Variants in ADAM12 observed in about 807,000 individuals in gnomAD.
ADAM12 encodes the protein disintegrin and metalloproteinase domain-containing protein 12.
Under a neutral mutation model 106.4 loss-of-function variants are expected in ADAM12, and 70 were observed. The observed-to-expected ratio is 0.66, with a 90% confidence interval of 0.54 to 0.80. ADAM12 has a LOEUF of 0.80. ADAM12 is among the 30% of genes least tolerant of loss of function. The probability of loss-of-function intolerance (pLI) is 0.00; values close to 1 mark genes in which losing one functional copy is unlikely to be tolerated. For missense variants in ADAM12, 1,010 were observed against 1,171.9 expected (o/e 0.86, Z 2.02); for synonymous variants, 420 against 433.5 (o/e 0.97, Z 0.39).
intron 18 of ADAM12, chr10:126,041,750 G>A: frequency 3.8e-6 from 4 of 1,048,732 alleles, no homozygotes; most frequent in African/African-American, 1.7e-5. Flanking sequence ...TGGGGAAAGG[G>A]GACACTGGGC....
chr10:126,063,456 C>T (rs926029158), intron 14 of ADAM12, among the ~76,000 whole-genome samples: 2 of 152,188 alleles, frequency 1.3e-5, no homozygotes, highest in East Asian at 1.9e-4. Flanking sequence ...AATTTCTGTT[C>T]CACTTTATTT....
At chr10:126,362,746 T>C (rs572327366) in intron 1 of ADAM12, among the ~76,000 whole-genome samples, 1 of 152,264 alleles carries the variant, frequency 6.6e-6, no homozygotes, top group African/African-American at 2.4e-5. Context: ...ATCGAGCTCA[T>C]ACAAAGAGTA....
intron 2 of ADAM12, among the ~76,000 whole-genome samples, chr10:126,296,082 G>C (rs532209146): frequency 1.3e-5 from 2 of 152,166 alleles, no homozygotes; most frequent in Non-Finnish European, 2.9e-5. Context: ...ATCCCCGTGC[G>C]TGGGGACCAT....
At chr10:126,180,996 A>T (rs1315531551) in intron 3 of ADAM12, among the ~76,000 whole-genome samples, 1 of 152,216 alleles carries the variant, frequency 6.6e-6, no homozygotes, top group Non-Finnish European at 1.5e-5. Context: ...TTCATGGACA[A>T]TGTTATACTA....
intron 3 of ADAM12, among the ~76,000 whole-genome samples, chr10:126,243,489 A>ATGTGTG (rs57227903): frequency 0.032 from 4,740 of 146,876 alleles, 237 homozygotes; most frequent in African/African-American, 0.094. Context: ...GTGTGAGTGT[A>ATGTGTG]TGTGTGTGTG....
intron 1 of ADAM12, among the ~76,000 whole-genome samples, chr10:126,339,542 A>G (rs1003386688): frequency 4.6e-5 from 7 of 152,182 alleles, no homozygotes; most frequent in Admixed American, 1.3e-4. Context: ...GAATACTTCT[A>G]GATAGCCTCA....
At position 126,049,341 on chromosome 10, in the gene ADAM12, A is replaced by G. The variant is rs1445862775; in HGVS notation, c.1829T>C (p.Ile610Thr). ...GTACACGTGGGTCCCCCGGCACAGA[A>G]TCCGGCCTCCTTGCTGCAGGGGGAT... ...TNIPLQQGGR[I>T]LCRGTHVYLG... The change falls in exon 16 of 23, where the codon ATT (isoleucine) becomes ACT (threonine). Residue 610 changes from isoleucine to threonine, a missense_variant. Coordinates refer to ENST00000448723, the MANE Select transcript of ADAM12 (RefSeq NM_001288973.2). This position sits in a 1 kb window ranked among gnomAD's most constrained non-coding sequence, Gnocchi z 4.4. 7.4e-6 allele frequency: 12 copies of G among 1,614,104 alleles called. No individual in the cohort carries two copies. The highest frequency in any genetic ancestry group is 9.3e-6 in the Non-Finnish European group (11 of 1,180,042).
At chr10:126,039,958 ACT>A (rs1372844294) in intron 18 of ADAM12, among the ~76,000 whole-genome samples, 1 of 152,128 alleles carries the variant, frequency 6.6e-6, no homozygotes, top group Non-Finnish European at 1.5e-5. Flanking sequence ...GAGAAAGAAA[ACT>A]CATTTAAATG....
chr10:126,146,686 T>C (rs528203664), intron 4 of ADAM12, among the ~76,000 whole-genome samples: 1 of 152,328 alleles, frequency 6.6e-6, no homozygotes, highest in Admixed American at 6.5e-5. Flanking sequence ...CTTTGTCTCC[T>C]TGCAGTCAGC....
intron 3 of ADAM12, among the ~76,000 whole-genome samples, chr10:126,176,500 T>C (rs891162350): frequency 2.6e-5 from 4 of 152,210 alleles, no homozygotes; most frequent in African/African-American, 9.6e-5. Context: ...AAACCAGAAA[T>C]GGCAAGACAT....
At chr10:126,164,906 A>G (rs1261794413) in intron 3 of ADAM12, among the ~76,000 whole-genome samples, 1 of 152,206 alleles carries the variant, frequency 6.6e-6, no homozygotes, top group Admixed American at 6.5e-5. Flanking sequence ...AAAAATGAAA[A>G]AGAAGTATCG....
chr10:126,144,618 G>C (rs11244835), intron 4 of ADAM12, among the ~76,000 whole-genome samples: 3 of 151,978 alleles, frequency 2.0e-5, no homozygotes, highest in Admixed American at 2.0e-4. Context: ...AATGCACACG[G>C]GGGGGTTAGC....
intron 1 of ADAM12, among the ~76,000 whole-genome samples, chr10:126,378,748 G>C (rs913868255): frequency 1.3e-5 from 2 of 152,102 alleles, no homozygotes; most frequent in Admixed American, 1.3e-4. Flanking sequence ...GTAGAATCTG[G>C]CTGGCAAAAA....
Position 126,094,143 on chromosome 10 carries a change from A to G in ADAM12, c.997-10T>C. 1.2e-6 allele frequency: 2 copies of G among 1,613,258 alleles called. No homozygotes were observed. Among genetic ancestry groups the G allele is most frequent in the Non-Finnish European group, 8.5e-7 (1 of 1,179,484 alleles). ...GATTGTCTGAATGGTCCTCAAAGAA[A>G]ACACAAAAGTACAGGTGTATAATTC... is the stretch of plus-strand genomic sequence containing the variant. On this transcript the variant is annotated splice_polypyrimidine_tract_variant and intron_variant, in intron 10 of 22. Coordinates refer to ENST00000448723, the MANE Select transcript of ADAM12 (RefSeq NM_001288973.2).
At chr10:126,323,662 A>G (rs1044358558) in intron 2 of ADAM12, among the ~76,000 whole-genome samples, 2 of 152,192 alleles carry the variant, frequency 1.3e-5, no homozygotes, top group Non-Finnish European at 2.9e-5. Context: ...GGGAGGGCAC[A>G]GGCTGGTTGG....
intron 3 of ADAM12, among the ~76,000 whole-genome samples, chr10:126,219,629 T>A (rs1958053115): frequency 6.6e-6 from 1 of 152,254 alleles, no homozygotes; most frequent in Non-Finnish European, 1.5e-5. Flanking sequence ...TAATAGTTTA[T>A]AATTGACATA....
chr10:126,170,106 G>A lies in ADAM12; in HGVS notation c.261-14801C>T, dbSNP rs138744216. 6.5e-3 allele frequency among the ~76,000 whole-genome samples: 987 copies of A among 152,314 alleles called. 8 individuals carry two copies. Among genetic ancestry groups the A allele is most frequent in the African/African-American group, 0.022 (926 of 41,580 alleles). ...AGAAGGGGATTTTCTTGGCCGTGGC[G>A]GAAGCCAGCCAGCCAGCCAGCTCCC... On this transcript the variant is annotated intron_variant, in intron 3 of 22. Coordinates refer to ENST00000448723, the MANE Select transcript of ADAM12 (RefSeq NM_001288973.2).
In ADAM12 at chr10:126,015,651, T is replaced by C. The variant is rs1953649287; in HGVS notation, c.*1628A>G. 3 of 152,140 alleles carry C rather than the reference T, an allele frequency of 2.0e-5. No individual in the cohort carries two copies. The highest frequency in any genetic ancestry group is 2.0e-4 in the Admixed American group (3 of 15,276). The allele number at this position is 152,140 out of a possible 1,614,324, so 9.4% of individuals were successfully genotyped here. A position where few individuals can be genotyped will look rare whatever the true frequency, so the allele number is the denominator to read the frequency against. On this transcript the variant is annotated 3_prime_UTR_variant, in exon 23 of 23. Transcript: ENST00000448723. ...AGTGGGGAACACCGGGAAAGTGAAA[T>C]GCAGTTTTGTTTTCTGGAAGGCAAA...
At chr10:126,144,611 G>A (rs1399264601) in intron 4 of ADAM12, among the ~76,000 whole-genome samples, 2 of 152,120 alleles carry the variant, frequency 1.3e-5, no homozygotes, top group Non-Finnish European at 2.9e-5. Context: ...GTGTGAAAAT[G>A]CACACGGGGG....
Sources: allele counts gnomAD v4.1 joint callset (sites outside exome capture counted in the v4.1 genomes callset), GRCh38; gene constraint gnomAD v4.1.1; non-coding constraint Gnocchi (gnomAD v3.1); transcripts MANE v1.5; gene names NCBI Gene and HGNC (gene_info 2026-07-23, HGNC 2026-07-21).